Variants in TRPM3 observed in about 807,000 individuals in gnomAD.
The protein encoded by TRPM3 is transient receptor potential cation channel subfamily M member 3, also known as long transient receptor potential channel 3.
TRPM3 carries 77 observed loss-of-function variants against 181.2 expected under a neutral mutation model. That is an observed-to-expected ratio of 0.42 (90% CI 0.35 to 0.51). TRPM3 has a LOEUF of 0.51. TRPM3 is among the 20% of genes least tolerant of loss of function. TRPM3 has a pLI of 0.01. For missense variants in TRPM3, 1,759 were observed against 2,196.7 expected, an observed-to-expected ratio of 0.80 and a Z score of 3.98; for synonymous variants, 745 against 796.4, an observed-to-expected ratio of 0.94 and a Z score of 1.09.
At chr9:70,751,762 T>C (rs1210863691) in intron 8 of TRPM3, among the ~76,000 whole-genome samples, 1 of 151,860 alleles carries the variant, frequency 6.6e-6, no homozygotes, top group Non-Finnish European at 1.5e-5. Context: ...AAATGCAAAG[T>C]GATGGGATGT....
At chr9:71,150,160 T>C (rs1325332569) in intron 1 of TRPM3, among the ~76,000 whole-genome samples, 2 of 151,982 alleles carry the variant, frequency 1.3e-5, no homozygotes, top group African/African-American at 4.8e-5. Flanking sequence ...TTTTTAAAAA[T>C]AGGATAAATA....
chr9:71,426,361 T>C (rs1469519828), intron 1 of TRPM3, among the ~76,000 whole-genome samples: 1 of 152,012 alleles, frequency 6.6e-6, no homozygotes, highest in Non-Finnish European at 1.5e-5. Context: ...CACTGGCACT[T>C]TTACATATTA....
At chr9:71,163,733 A>C (rs1210249350) in intron 1 of TRPM3, among the ~76,000 whole-genome samples, 2 of 152,134 alleles carry the variant, frequency 1.3e-5, no homozygotes, top group East Asian at 3.9e-4. Context: ...TGAGTCCTGG[A>C]GAAAGACCCT....
chr9:71,325,702 T>C (rs760853706), intron 1 of TRPM3, among the ~76,000 whole-genome samples: 1 of 152,032 alleles, frequency 6.6e-6, no homozygotes, highest in South Asian at 2.1e-4. Context: ...TAAACTCCCT[T>C]CTTTCTTCTC....
At chr9:71,168,819 C>G (rs1056282042) in intron 1 of TRPM3, among the ~76,000 whole-genome samples, 1 of 151,228 alleles carries the variant, frequency 6.6e-6, no homozygotes, top group African/African-American at 2.4e-5. Context: ...GTGAGGATAC[C>G]TGGGTAAAGA....
At chr9:71,020,561 C>T (rs2097839513) in intron 1 of TRPM3, among the ~76,000 whole-genome samples, 2 of 151,156 alleles carry the variant, frequency 1.3e-5, no homozygotes, top group Admixed American at 6.6e-5. Flanking sequence ...TTGCAAAACA[C>T]ATAAGCAGTA....
intron 7 of TRPM3, among the ~76,000 whole-genome samples, chr9:70,766,834 G>A (rs1588057617): frequency 6.6e-6 from 1 of 152,220 alleles, no homozygotes; most frequent in African/African-American, 2.4e-5. Flanking sequence ...AGGCTGTCTG[G>A]ATTTAAGCTG....
chr9:71,410,480 C>T (rs921482225), intron 1 of TRPM3, among the ~76,000 whole-genome samples: 2 of 152,142 alleles, frequency 1.3e-5, no homozygotes, highest in African/African-American at 2.4e-5. Context: ...CTATAAACAC[C>T]TCTATGCAAA....
chr9:70,781,999 C>G (rs976954410), intron 7 of TRPM3, among the ~76,000 whole-genome samples: 5 of 151,520 alleles, frequency 3.3e-5, no homozygotes, highest in African/African-American at 1.2e-4. Context: ...AAAAAACAAA[C>G]AAACAAACAA....
At chr9:70,674,946 G>T (rs117967754) in intron 9 of TRPM3, among the ~76,000 whole-genome samples, 1,801 of 151,764 alleles carry the variant, frequency 0.012, 25 homozygotes, top group Non-Finnish European at 0.019. Context: ...TTGTACAATT[G>T]TAATGGAAGA....
intron 6 of TRPM3, among the ~76,000 whole-genome samples, chr9:70,786,626 T>C (rs2083703111): frequency 6.6e-6 from 1 of 152,228 alleles, no homozygotes; most frequent in Non-Finnish European, 1.5e-5. Context: ...TTCAAAAAGG[T>C]AGCCTATTTT....
At chr9:71,057,988 A>T (rs2133288399) in intron 1 of TRPM3, among the ~76,000 whole-genome samples, 1 of 152,228 alleles carries the variant, frequency 6.6e-6, no homozygotes, top group Admixed American at 6.5e-5. Flanking sequence ...ATACAAGTCT[A>T]GAGTTAAAAA....
chr9:71,426,852 A>G (rs2131584865), intron 1 of TRPM3, among the ~76,000 whole-genome samples: 1 of 151,532 alleles, frequency 6.6e-6, no homozygotes, highest in South Asian at 2.1e-4. Context: ...CTAATCCCAG[A>G]GGTAATTCTC....
chr9:71,063,220 A>C (rs2061524690), intron 1 of TRPM3, among the ~76,000 whole-genome samples: 1 of 152,102 alleles, frequency 6.6e-6, no homozygotes, highest in African/African-American at 2.4e-5. Flanking sequence ...GAAAGTCACA[A>C]AGCTCTTAAA....
chr9:70,959,687 C>T (rs538315043), intron 1 of TRPM3, among the ~76,000 whole-genome samples: 52 of 152,174 alleles, frequency 3.4e-4, no homozygotes, highest in Non-Finnish European at 5.6e-4. Flanking sequence ...TCTTTCTTCG[C>T]TACTGAACAT....
chr9:71,127,776 G>A (rs528820106), intron 1 of TRPM3, among the ~76,000 whole-genome samples: 1 of 152,320 alleles, frequency 6.6e-6, no homozygotes, highest in African/African-American at 2.4e-5. Flanking sequence ...TAGACCGAAT[G>A]GCCTGAAGGT....
intron 14 of TRPM3, among the ~76,000 whole-genome samples, chr9:70,622,578 C>A (rs969643982): frequency 1.3e-5 from 2 of 152,174 alleles, no homozygotes; most frequent in African/African-American, 4.8e-5. Context: ...GCATCATTGG[C>A]CATGCTGGGA....
At chr9:71,247,174 T>G (rs1475794750) in intron 1 of TRPM3, among the ~76,000 whole-genome samples, 1 of 151,792 alleles carries the variant, frequency 6.6e-6, no homozygotes, top group East Asian at 1.9e-4. Flanking sequence ...ACCAACATGG[T>G]GAAATACTGT....
intron 1 of TRPM3, among the ~76,000 whole-genome samples, chr9:71,412,937 T>C (rs1313133079): frequency 6.6e-6 from 1 of 152,202 alleles, no homozygotes; most frequent in Admixed American, 6.5e-5. Context: ...GATGAGTTCA[T>C]GTCCTTTGTA....
Sources: allele counts gnomAD v4.1 joint callset (sites outside exome capture counted in the v4.1 genomes callset), GRCh38; gene constraint gnomAD v4.1.1; transcripts MANE v1.5; gene names NCBI Gene and HGNC (gene_info 2026-07-23, HGNC 2026-07-21).